The following SRL variants were observed in gnomAD, a reference collection of about 807,000 sequenced individuals.
SRL encodes the protein sarcalumenin.
SRL carries 23 observed loss-of-function variants against 39.5 expected under a neutral mutation model. The ratio of observed to expected loss-of-function variants is 0.58; its 90% CI spans 0.42 to 0.82. The LOEUF is 0.82. SRL is among the 40% of genes least tolerant of loss of function. The probability of loss-of-function intolerance (pLI) is 0.00; values close to 1 mark genes in which losing one functional copy is unlikely to be tolerated. For missense variants in SRL, 592 were observed against 607.8 expected (o/e 0.97, Z 0.27); for synonymous variants, 272 against 237.4 (o/e 1.15, Z -1.34).
At chr16:4,209,841 T>C (rs938228106) in intron 1 of SRL, among the ~76,000 whole-genome samples, 5 of 152,222 alleles carry the variant, frequency 3.3e-5, no homozygotes, top group African/African-American at 1.2e-4. Flanking sequence ...ATCTTTGCCC[T>C]GCCCTAGATA....
At position 4,203,643 on chromosome 16, in the gene SRL, T is replaced by C. The variant is rs1461528126; in HGVS notation, c.164-382A>G. 3.3e-5 allele frequency among the ~76,000 whole-genome samples: 5 copies of C among 152,156 alleles called. No homozygotes were observed. In the East Asian group the frequency reaches 9.6e-4, roughly 29 times the overall value. On this transcript the variant is annotated intron_variant, in intron 2 of 5. Transcript: ENST00000399609. ...CTCAAGTGATCCACCCACCTCAGCCTCCCAAAGTGCTGGAATTACAGACAT... is the reference window on the plus strand; with the variant it reads ...CTCAAGTGATCCACCCACCTCAGCCCCCCAAAGTGCTGGAATTACAGACAT...
In SRL at chr16:4,192,418, G is replaced by A; in HGVS notation, c.1157C>T (p.Ala386Val). Residue 386 changes from alanine (A) to valine (V), a missense_variant, in exon 6 of 6, where the codon GCA becomes GTA. Physicochemically the swap from Ala to Val is moderately conservative, Grantham distance 64. Coordinates refer to ENST00000399609, the MANE Select transcript of SRL (RefSeq NM_001098814.2). The surrounding 1 kb of genome is among the most constrained non-coding windows in gnomAD (Gnocchi z 4.0). Reference sequence around the variant, plus strand: ...GTCAAATTTGCTGACATTGGTCTTTGCCAGGATGGTCTTGAAGATGTAGAA... The same window carrying A: ...GTCAAATTTGCTGACATTGGTCTTTACCAGGATGGTCTTGAAGATGTAGAA... Reference protein sequence around the residue: ...DKFYIFKTILAKTNVSKFDLP... With the variant: ...DKFYIFKTILVKTNVSKFDLP... 1 of 1,614,220 alleles carries A rather than the reference G, an allele frequency of 6.2e-7. No homozygotes were observed. Among genetic ancestry groups the A allele is most frequent in the Non-Finnish European group, 8.5e-7 (1 of 1,180,044 alleles).
At position 4,191,714 on chromosome 16, in the gene SRL, G is replaced by A. The variant is rs182383029; in HGVS notation, c.*439C>T. On this transcript the variant is annotated 3_prime_UTR_variant, in exon 6 of 6. Transcript: ENST00000399609. ...CAGCCGAGGGCTGGGGAACAAACGC[G>A]AGACTGTGGGTGTGGAAAGAAGCCA... 9 of 162,786 alleles carry A rather than the reference G, an allele frequency of 5.5e-5. No individual in the cohort carries two copies. Among genetic ancestry groups the A allele is most frequent in the Admixed American group, 4.3e-4 (7 of 16,398 alleles). 10.1% of individuals were successfully genotyped at this position (162,786 alleles called of 1,614,324 possible).
At chr16:4,217,117 A>C (rs2052469746) in intron 1 of SRL, among the ~76,000 whole-genome samples, 1 of 152,030 alleles carries the variant, frequency 6.6e-6, no homozygotes, top group South Asian at 2.1e-4. Context: ...AATGGGTGTG[A>C]CACCTTCCCT....
At chr16:4,226,222 G>A (rs558028782) in intron 1 of SRL, among the ~76,000 whole-genome samples, 1 of 152,148 alleles carries the variant, frequency 6.6e-6, no homozygotes, top group Non-Finnish European at 1.5e-5. Context: ...AACTTACTCA[G>A]TTTCCTGTCT....
At chr16:4,230,836 G>A (rs1039792039) in intron 1 of SRL, among the ~76,000 whole-genome samples, 1 of 152,160 alleles carries the variant, frequency 6.6e-6, no homozygotes, top group African/African-American at 2.4e-5. Flanking sequence ...AAGGGAGAAG[G>A]CCACATGATG....
chr16:4,210,199 A>G (rs2052375501), intron 1 of SRL, among the ~76,000 whole-genome samples: 1 of 152,104 alleles, frequency 6.6e-6, no homozygotes, highest in South Asian at 2.1e-4. Flanking sequence ...ATCTCCTTTC[A>G]TCACCACCTA....
intron 5 of SRL, among the ~76,000 whole-genome samples, chr16:4,194,753 C>A (rs1356099016): frequency 6.6e-6 from 1 of 152,120 alleles, no homozygotes; most frequent in African/African-American, 2.4e-5. Flanking sequence ...GTAGGAGCAC[C>A]AGGCACTCCA....
chr16:4,224,484 T>C lies in SRL; in HGVS notation c.61+17523A>G, dbSNP rs540592772. Among the ~76,000 whole-genome samples the C allele has an allele frequency of 2.0e-5, 3 of 152,162 alleles. No individual in the cohort carries two copies. The South Asian group carries it at 6.2e-4, about 32-fold the overall frequency. On this transcript the variant is annotated intron_variant, in intron 1 of 5. Transcript: ENST00000399609. ...ACTTTGGGAGGCCGAGACGGGAGGA[T>C]TGCTTGAGCTCAGCAGTTCGAGACC...
At chr16:4,206,568 C>T (rs114943697) in intron 1 of SRL, among the ~76,000 whole-genome samples, 3,458 of 152,148 alleles carry the variant, frequency 0.023, 131 homozygotes, top group African/African-American at 0.079. Context: ...AGGCCAGTGG[C>T]CAATGCACAG....
intron 1 of SRL, among the ~76,000 whole-genome samples, chr16:4,231,515 G>A (rs2052659862): frequency 6.6e-6 from 1 of 152,116 alleles, no homozygotes; most frequent in Non-Finnish European, 1.5e-5. Flanking sequence ...CACATGCTCT[G>A]AAACCCAGCT....
intron 1 of SRL, chr16:4,208,146 C>T (rs2052348355): frequency 2.5e-6 from 1 of 396,326 alleles, no homozygotes; most frequent in African/African-American, 2.1e-5. Flanking sequence ...ACAGGGTTGG[C>T]ACCGGCTCTG....
rs1176583909 is a variant in SRL at position 4,213,404 on chromosome 16, CTTTTTTTTTTTTT to C, written c.62-8783_62-8771del. Among the ~76,000 whole-genome samples the C allele has an allele frequency of 4.3e-5, 3 of 69,584 alleles. No individual in the cohort carries two copies. The East Asian group carries it at 9.1e-4, about 21-fold the overall frequency. 45.6% of individuals were successfully genotyped at this position (69,584 alleles called of 152,430 possible). A position where few individuals can be genotyped will look rare whatever the true frequency, so the allele number is the denominator to read the frequency against. ...CATCTTTTTTTTTCTTTTTCTTTTTCTTTTTTTTTTTTTTTTTTTTTTTTTTGAGACAGGTCTT... is the reference window on the plus strand; with the variant it reads ...CATCTTTTTTTTTCTTTTTCTTTTTCTTTTTTTTTTTTTGAGACAGGTCTT... On this transcript the variant is annotated intron_variant, in intron 1 of 5. Coordinates refer to ENST00000399609, the MANE Select transcript of SRL (RefSeq NM_001098814.2).
chr16:4,192,061 A>AGT lies in SRL; in HGVS notation c.*90_*91dup. The AGT allele has an allele frequency of 7.4e-7, 1 of 1,344,018 alleles. No individual in the cohort carries two copies. Among genetic ancestry groups the AGT allele is most frequent in the Non-Finnish European group, 1.0e-6 (1 of 979,040 alleles). 83.3% of individuals were successfully genotyped at this position (1,344,018 alleles called of 1,614,324 possible). A position where few individuals can be genotyped will look rare whatever the true frequency, so the allele number is the denominator to read the frequency against. ...TCTCCACTGTGTAATAATTCCTGCC[A>AGT]GTGTGGCTCAAAGGGTTAATAAACC... On this transcript the variant is annotated 3_prime_UTR_variant, in exon 6 of 6. Transcript: ENST00000399609. The surrounding 1 kb of genome is among the most constrained non-coding windows in gnomAD (Gnocchi z 4.0).
rs181496546 is a variant in SRL, at chr16:4,196,336, G to A, written c.377-550C>T. 1.3e-3 allele frequency among the ~76,000 whole-genome samples: 192 copies of A among 152,146 alleles called. 1 individual carries two copies. The highest frequency in any genetic ancestry group is 0.012 in the Admixed American group (189 of 15,278). On this transcript the variant is annotated intron_variant, in intron 4 of 5. Transcript: ENST00000399609. The stretch of plus-strand genomic sequence containing the variant: ...ACATTCACCCTGTTGTGCAACCATC[G>A]CCACCATCCAGGTCCAGAATGTTTT...
intron 5 of SRL, among the ~76,000 whole-genome samples, chr16:4,194,240 A>G (rs1394110042): frequency 1.3e-5 from 2 of 152,182 alleles, no homozygotes; most frequent in Admixed American, 6.5e-5. Context: ...TTGCACAACC[A>G]TCATGGCCAT....
Position 4,192,841 on chromosome 16 carries a change from C to A in SRL, c.734G>T (p.Gly245Val), listed in dbSNP as rs1329427632. The change falls in exon 6 of 6, where the codon GGG (glycine) becomes GTG (valine). Residue 245 changes from glycine (G) to valine (V), a missense_variant. Gly to Val is a moderately radical substitution (Grantham distance 109). Coordinates refer to ENST00000399609, the MANE Select transcript of SRL (RefSeq NM_001098814.2). This position sits in a 1 kb window ranked among gnomAD's most constrained non-coding sequence, Gnocchi z 4.0. ...GATGATCCTTATCTGGGATTCACGC[C>A]CCTTCAACTGGCGGAAGAGCATCTC... Reference protein sequence around the residue: ...ELEMLFRQLKGRESQIRIILN... With the variant: ...ELEMLFRQLKVRESQIRIILN... 1 of 1,614,140 alleles carries A rather than the reference C, an allele frequency of 6.2e-7. No homozygotes were observed. The highest frequency in any genetic ancestry group is 2.2e-5 in the East Asian group (1 of 44,884).
intron 3 of SRL, among the ~76,000 whole-genome samples, chr16:4,200,093 A>ATCCATTCCCTGCACGTCCCTCC (rs1461139969): frequency 6.6e-6 from 1 of 152,136 alleles, no homozygotes. Flanking sequence ...GCTCAGTCCT[A>ATCCATTCCCTGCACGTCCCTCC]ACCAGGTGGT....
chr16:4,239,902 G>A (rs2052754405), intron 1 of SRL, among the ~76,000 whole-genome samples: 1 of 152,192 alleles, frequency 6.6e-6, no homozygotes, highest in Admixed American at 6.5e-5. Context: ...GTGGTACAAA[G>A]GCCTGAGTGC....
Sources: allele counts gnomAD v4.1 joint callset (sites outside exome capture counted in the v4.1 genomes callset), GRCh38; gene constraint gnomAD v4.1.1; non-coding constraint Gnocchi (gnomAD v3.1); transcripts MANE v1.5; gene names NCBI Gene and HGNC (gene_info 2026-07-23, HGNC 2026-07-21).